Variants in LAMA4 observed in about 807,000 individuals in gnomAD.
LAMA4 encodes the protein laminin subunit alpha 4.
In LAMA4, 127 loss-of-function variants were observed where a neutral mutation model predicts 207.1. That is an observed-to-expected ratio of 0.61 (90% CI 0.53 to 0.71). LAMA4 has a LOEUF of 0.71. LAMA4 is among the 30% of genes least tolerant of loss of function. LAMA4 has a pLI of 0.00. For synonymous variants in LAMA4, 761 were observed against 816.0 expected (o/e 0.93, Z 1.15); for missense variants, 2,093 against 2,246.5 (o/e 0.93, Z 1.38).
chr6:112,109,640 A>G (rs958073731), intron 38 of LAMA4, 58 bp from the exon 39 acceptor site: 1 of 1,546,630 alleles, frequency 6.5e-7, no homozygotes, highest in African/African-American at 1.4e-5. Context: ...AAGCCCAAAT[A>G]TTACTTCCTG....
At chr6:112,136,887 T>G (rs1157950109) in intron 24 of LAMA4, among the ~76,000 whole-genome samples, 6 of 152,214 alleles carry the variant, frequency 3.9e-5, no homozygotes, top group Non-Finnish European at 8.8e-5. Context: ...TATACCATGT[T>G]TATTCAACTG....
At chr6:112,149,147 AAAT>A (rs1280221487) in intron 17 of LAMA4, among the ~76,000 whole-genome samples, 2 of 132,880 alleles carry the variant, frequency 1.5e-5, no homozygotes, top group African/African-American at 3.1e-5. Flanking sequence ...AATAATATAT[AAAT>A]AATAAATAAT....
chr6:112,133,472 G>A lies in LAMA4; in HGVS notation c.3573C>T (p.His1191=), dbSNP rs1554330588. The A allele has an allele frequency of 1.2e-6, 2 of 1,613,634 alleles. No homozygotes were observed. Among genetic ancestry groups the A allele is most frequent in the Non-Finnish European group, 1.7e-6 (2 of 1,179,674 alleles). ...CTCTGAAGTTGATATCTAGGGGAAG[G>A]TGTGCTCTGAGGGCCCTGGAAAAGA... ...EILQSRALRA[H]LPLDINFRGC... The change falls in exon 27 of 39, where the codon CAC becomes CAT. Residue 1191 remains histidine (H), a synonymous_variant. Transcript: ENST00000230538.
chr6:112,114,018 C>G (rs201734281), intron 38 of LAMA4, 58 bp downstream of exon 38: 113 of 1,594,250 alleles, frequency 7.1e-5, no homozygotes, highest in Non-Finnish European at 8.1e-5. Flanking sequence ...TCTACAATAA[C>G]AATTGTGAGA....
rs1777804793 is a variant in LAMA4, at chr6:112,113,127, A to AT, written c.5326+948_5326+949insA. Among the ~76,000 whole-genome samples, 3 of 152,228 alleles carry AT rather than the reference A, an allele frequency of 2.0e-5. No individual in the cohort carries two copies. The South Asian group carries it at 6.2e-4, about 32-fold the overall frequency. On this transcript the variant is annotated intron_variant, in intron 38 of 38. Coordinates refer to ENST00000230538, the MANE Select transcript of LAMA4 (RefSeq NM_001105206.3). ...ATAGTACAATAGGGAAATTATAGTT[A>AT]AGGATAATTTATTGTGCATTTCAAA...
At chr6:112,158,677 G>C (rs1294745371) in intron 14 of LAMA4, 55 bp downstream of exon 14, 2 of 1,474,070 alleles carry the variant, frequency 1.4e-6, no homozygotes, top group African/African-American at 2.8e-5. Context: ...GAATTGAATA[G>C]TAATATTTTA....
chr6:112,212,377 C>G (rs782324181), intron 3 of LAMA4, among the ~76,000 whole-genome samples: 2 of 152,142 alleles, frequency 1.3e-5, no homozygotes, highest in African/African-American at 2.4e-5. Flanking sequence ...GCGCCCGCCA[C>G]AATACCTGGT....
chr6:112,242,775 T>C (rs1215461156), intron 2 of LAMA4, among the ~76,000 whole-genome samples: 1 of 152,226 alleles, frequency 6.6e-6, no homozygotes, highest in Non-Finnish European at 1.5e-5. Context: ...CCACATGTTG[T>C]GTTCTGCAAG....
intron 3 of LAMA4, among the ~76,000 whole-genome samples, chr6:112,208,123 A>G (rs953397865): frequency 6.6e-6 from 1 of 152,176 alleles, no homozygotes; most frequent in Admixed American, 6.5e-5. Context: ...CTTTACATTC[A>G]TCAGAGTGTA....
At chr6:112,132,631 G>T in intron 28 of LAMA4, 122 bp downstream of exon 28, 1 of 890,198 alleles carries the variant, frequency 1.1e-6, no homozygotes. Flanking sequence ...CATTCTGTGT[G>T]TCTACGTGTG....
intron 14 of LAMA4, chr6:112,158,064 T>A (rs1174100813): frequency 1.3e-5 from 2 of 152,568 alleles, no homozygotes; most frequent in African/African-American, 4.8e-5. Flanking sequence ...GATCTCATTA[T>A]TTGCCTATTA....
At chr6:112,125,970 T>C (rs1778664916) in intron 31 of LAMA4, among the ~76,000 whole-genome samples, 1 of 152,200 alleles carries the variant, frequency 6.6e-6, no homozygotes, top group African/African-American at 2.4e-5. Flanking sequence ...AGGGTCAATA[T>C]AAGAAAAGAT....
At chr6:112,142,842 C>T (rs1375088440) in intron 19 of LAMA4, among the ~76,000 whole-genome samples, 3 of 152,150 alleles carry the variant, frequency 2.0e-5, no homozygotes, top group African/African-American at 7.2e-5. Context: ...TAACCTTGAG[C>T]AAGTCACTTA....
chr6:112,252,161 T>C (rs928363928), intron 2 of LAMA4, among the ~76,000 whole-genome samples: 1 of 152,178 alleles, frequency 6.6e-6, no homozygotes, highest in Admixed American at 6.5e-5. Context: ...TTCATTACAA[T>C]AAAAGTATGA....
At position 112,187,485 on chromosome 6, in the gene LAMA4, C is replaced by T. The variant is rs782172256; in HGVS notation, c.931G>A (p.Val311Met). The T allele has an allele frequency of 2.5e-6, 4 of 1,614,096 alleles. No individual in the cohort carries two copies. Among genetic ancestry groups the T allele is most frequent in the Non-Finnish European group, 3.4e-6 (4 of 1,180,010 alleles). ...TAGATGGTGGCGTTGATTTCATTCA[C>T]GTGCCTATGAGCGGCGGCCCCAGAG... The part of the protein sequence containing the change: ...VSSGAAAHRH[V>M]NEINATIYLL... The change falls in exon 8 of 39, where the codon GTG becomes ATG. Residue 311 changes from valine to methionine, a missense_variant. By Grantham distance (21) the Val-to-Met change is conservative. This residue lies in a region of LAMA4 where 1,704 missense variants were observed against 1,788.4 expected (regional missense o/e 0.95). Coordinates refer to ENST00000230538, the MANE Select transcript of LAMA4 (RefSeq NM_001105206.3).
At chr6:112,204,923 C>G (rs1554353725) in intron 4 of LAMA4, among the ~76,000 whole-genome samples, 1 of 152,142 alleles carries the variant, frequency 6.6e-6, no homozygotes, top group Non-Finnish European at 1.5e-5. Flanking sequence ...GACTGTTAGA[C>G]TTGTAGTATT....
rs1554336504 is a variant in LAMA4, at chr6:112,154,855, C to T, written c.2052G>A (p.Glu684=). Residue 684 remains glutamate, a synonymous_variant, in exon 16 of 39, where the codon GAG becomes GAA. Coordinates refer to ENST00000230538, the MANE Select transcript of LAMA4 (RefSeq NM_001105206.3). ...NQARELQAKA[E]SSSDEAVADT... ...TAGGAAAGTGAAGATATTTACTAGA[C>T]TCTGCCTTTGCTTGCAGTTCTCTGG... is the stretch of plus-strand genomic sequence containing the variant. 3 of 1,595,262 alleles carry T rather than the reference C, an allele frequency of 1.9e-6. No homozygotes were observed. The highest frequency in any genetic ancestry group is 2.6e-6 in the Non-Finnish European group (3 of 1,163,038).
At chr6:112,197,357 G>GT (rs1335972391) in intron 5 of LAMA4, among the ~76,000 whole-genome samples, 1 of 152,082 alleles carries the variant, frequency 6.6e-6, no homozygotes, top group Non-Finnish European at 1.5e-5. Context: ...TGTTTGAGCT[G>GT]TTTTTTTACA....
At chr6:112,181,345 A>G (rs1554345239) in intron 9 of LAMA4, among the ~76,000 whole-genome samples, 2 of 152,162 alleles carry the variant, frequency 1.3e-5, no homozygotes, top group Non-Finnish European at 1.5e-5. Context: ...TACCTGAATG[A>G]CTTCCAGAGT....
Sources: allele counts gnomAD v4.1 joint callset (sites outside exome capture counted in the v4.1 genomes callset), GRCh38; gene constraint gnomAD v4.1.1; regional missense constraint gnomAD v4.1.1; transcripts MANE v1.5; gene names NCBI Gene and HGNC (gene_info 2026-07-23, HGNC 2026-07-21).